The following LUZP2 variants were observed in gnomAD, a reference collection of about 807,000 sequenced individuals.
The protein encoded by LUZP2 is leucine zipper protein 2.
In LUZP2, 52 loss-of-function variants were observed where a neutral mutation model predicts 51.6. That is an observed-to-expected ratio of 1.01 (90% CI 0.81 to 1.27). LUZP2 has a LOEUF of 1.27. Ranked by LOEUF, LUZP2 falls within the 50% of genes most tolerant of loss-of-function variation. The pLI, the probability that LUZP2 is intolerant of heterozygous loss-of-function variation, is 0.00. For missense variants in LUZP2, 436 were observed against 395.4 expected (o/e 1.10, Z -0.87); for synonymous variants, 154 against 137.3 (o/e 1.12, Z -0.85).
At chr11:24,958,191 T>A (rs1236968335) in intron 7 of LUZP2, among the ~76,000 whole-genome samples, 11 of 152,218 alleles carry the variant, frequency 7.2e-5, no homozygotes, top group Admixed American at 7.2e-4. Flanking sequence ...TTTGCTATTG[T>A]GAATAGTGCC....
chr11:25,002,612 A>G (rs1298426825), intron 9 of LUZP2, among the ~76,000 whole-genome samples: 1 of 152,170 alleles, frequency 6.6e-6, no homozygotes, highest in Non-Finnish European at 1.5e-5. Flanking sequence ...GATGGCCACC[A>G]CCGCAACTAC....
At chr11:24,636,462 C>A (rs1855110587) in intron 1 of LUZP2, among the ~76,000 whole-genome samples, 1 of 152,132 alleles carries the variant, frequency 6.6e-6, no homozygotes, top group Admixed American at 6.6e-5. Context: ...TGAGTGATTT[C>A]TCTGCACATC....
intron 1 of LUZP2, among the ~76,000 whole-genome samples, chr11:24,601,688 A>G (rs1305409838): frequency 1.3e-5 from 2 of 151,500 alleles, no homozygotes; most frequent in Non-Finnish European, 3.0e-5. Context: ...GGATAATATG[A>G]GAAAAAATTA....
intron 6 of LUZP2, among the ~76,000 whole-genome samples, chr11:24,911,969 C>A (rs1466849352): frequency 6.6e-6 from 1 of 152,132 alleles, no homozygotes; most frequent in African/African-American, 2.4e-5. Context: ...AGAAAGGTGA[C>A]TTTCTATGGA....
At chr11:24,662,153 T>G (rs1012154911) in intron 1 of LUZP2, among the ~76,000 whole-genome samples, 1 of 152,056 alleles carries the variant, frequency 6.6e-6, no homozygotes, top group Non-Finnish European at 1.5e-5. Flanking sequence ...AGCATCAACA[T>G]GATAAACCAA....
Position 24,666,320 on chromosome 11 carries a change from A to C in LUZP2, c.63-62849A>C, listed in dbSNP as rs374406778. Among the ~76,000 whole-genome samples the C allele has an allele frequency of 1.8e-4, 27 of 152,306 alleles. 1 individual carries two copies. In the East Asian group the frequency reaches 4.6e-3, roughly 26 times the overall value. On this transcript the variant is annotated intron_variant, in intron 1 of 11. Transcript: ENST00000336930. The stretch of plus-strand genomic sequence containing the variant: ...TAGTGAAAGAGCACAGAAGAAATAC[A>C]TGGGTGCCTGTAGTTAACTCCTTTC...
intron 5 of LUZP2, among the ~76,000 whole-genome samples, chr11:24,832,855 CAGAT>C (rs1418502262): frequency 1.3e-5 from 2 of 151,800 alleles, no homozygotes; most frequent in African/African-American, 2.4e-5. Context: ...AATAAATGGA[CAGAT>C]AGATAGATAA....
intron 1 of LUZP2, among the ~76,000 whole-genome samples, chr11:24,593,151 A>G (rs1253224815): frequency 6.6e-6 from 1 of 152,144 alleles, no homozygotes; most frequent in Non-Finnish European, 1.5e-5. Context: ...TTTTTGGCCC[A>G]TAAGTAAAAA....
At chr11:24,884,364 T>C (rs544480507) in intron 5 of LUZP2, among the ~76,000 whole-genome samples, 1 of 152,152 alleles carries the variant, frequency 6.6e-6, no homozygotes, top group South Asian at 2.1e-4. Context: ...ACTGAGGATT[T>C]AATGAATTCT....
At chr11:24,738,925 T>A (rs572073077) in intron 4 of LUZP2, among the ~76,000 whole-genome samples, 1 of 152,238 alleles carries the variant, frequency 6.6e-6, no homozygotes, top group East Asian at 1.9e-4. Context: ...GTTTCTACTG[T>A]ATTCCCCAAA....
At chr11:25,072,149 T>G (rs566572290) in intron 10 of LUZP2, among the ~76,000 whole-genome samples, 2 of 152,254 alleles carry the variant, frequency 1.3e-5, no homozygotes, top group South Asian at 4.1e-4. Context: ...AACATAGATA[T>G]GCCTGATCTC....
intron 5 of LUZP2, among the ~76,000 whole-genome samples, chr11:24,850,390 C>G (rs1368555131): frequency 1.3e-5 from 2 of 152,130 alleles, no homozygotes; most frequent in Non-Finnish European, 2.9e-5. Flanking sequence ...AATCCATTCC[C>G]CATTGCTTGT....
intron 5 of LUZP2, among the ~76,000 whole-genome samples, chr11:24,858,758 A>G (rs1481925789): frequency 2.6e-5 from 4 of 152,230 alleles, no homozygotes; most frequent in African/African-American, 9.6e-5. Context: ...AGCTGGCACT[A>G]TTTGAAGAAA....
intron 9 of LUZP2, among the ~76,000 whole-genome samples, chr11:24,997,496 T>C (rs1174739343): frequency 6.6e-6 from 1 of 152,202 alleles, no homozygotes; most frequent in Non-Finnish European, 1.5e-5. Context: ...TTTGTTTGAG[T>C]TCATTGTAGG....
intron 9 of LUZP2, among the ~76,000 whole-genome samples, chr11:25,013,295 ATGTT>A (rs1433259071): frequency 6.6e-6 from 1 of 152,150 alleles, no homozygotes; most frequent in Non-Finnish European, 1.5e-5. Context: ...GAAAAAATGA[ATGTT>A]TAACAGCAGA....
chr11:24,546,954 TTGTTGTTGTTGG>T (rs1468601896), intron 1 of LUZP2, among the ~76,000 whole-genome samples: 2,131 of 125,652 alleles, frequency 0.017, 40 homozygotes, highest in African/African-American at 0.058. Context: ...GTTGTTGTTG[TTGTTGTTGTTGG>T]TGGTGGTGGT....
At chr11:24,973,964 C>T (rs1471861433) in intron 7 of LUZP2, among the ~76,000 whole-genome samples, 3 of 151,948 alleles carry the variant, frequency 2.0e-5, no homozygotes, top group Non-Finnish European at 4.4e-5. Flanking sequence ...TGATCCAGAG[C>T]TGAGTTCAGT....
At chr11:24,576,173 G>T (rs1454412291) in intron 1 of LUZP2, among the ~76,000 whole-genome samples, 1 of 151,960 alleles carries the variant, frequency 6.6e-6, no homozygotes, top group Non-Finnish European at 1.5e-5. Flanking sequence ...AGCACTTTGG[G>T]ATGCAGAGGC....
intron 1 of LUZP2, among the ~76,000 whole-genome samples, chr11:24,670,147 A>G (rs1344468107): frequency 6.6e-6 from 1 of 152,086 alleles, no homozygotes; most frequent in Non-Finnish European, 1.5e-5. Context: ...CTTATTTTCT[A>G]CTTAAAAATA....
Sources: allele counts gnomAD v4.1 joint callset (sites outside exome capture counted in the v4.1 genomes callset), GRCh38; gene constraint gnomAD v4.1.1; transcripts MANE v1.5; gene names NCBI Gene and HGNC (gene_info 2026-07-23, HGNC 2026-07-21).